GRIP1: variants seen among roughly 807,000 people sequenced by gnomAD.
The protein encoded by GRIP1 is glutamate receptor-interacting protein 1.
A neutral mutation model predicts 129.9 loss-of-function variants in GRIP1; 45 were observed. The observed-to-expected ratio is 0.35, with a 90% CI of 0.27 to 0.44. The LOEUF (loss-of-function observed/expected upper bound fraction) is 0.44, where lower values mean the gene tolerates loss of function less well. GRIP1 is among the 20% of genes least tolerant of loss of function. GRIP1 has a pLI of 1.00. For missense variants in GRIP1, 1,196 were observed against 1,396.8 expected (o/e 0.86, Z 2.29); for synonymous variants, 530 against 520.8 (o/e 1.02, Z -0.24).
chr12:66,828,568 T>A (rs985973899), intron 1 of GRIP1, among the ~76,000 whole-genome samples: 2 of 152,208 alleles, frequency 1.3e-5, no homozygotes, highest in South Asian at 4.1e-4. Context: ...CATTTTTCAA[T>A]AGACATTTTA....
chr12:66,779,890 T>C (rs555567179), intron 1 of GRIP1, among the ~76,000 whole-genome samples: 8 of 152,306 alleles, frequency 5.3e-5, no homozygotes, highest in African/African-American at 1.9e-4. Flanking sequence ...TATTTGCATA[T>C]TAAGAAGTGG....
At chr12:66,584,675 G>A (rs1380814141) in intron 2 of GRIP1, among the ~76,000 whole-genome samples, 1 of 152,162 alleles carries the variant, frequency 6.6e-6, no homozygotes, top group African/African-American at 2.4e-5. Context: ...CATTAGAAGG[G>A]TAAGTTTAAT....
At chr12:66,528,972 A>C (rs764445722) in intron 5 of GRIP1, among the ~76,000 whole-genome samples, 20 of 152,180 alleles carry the variant, frequency 1.3e-4, no homozygotes, top group Non-Finnish European at 2.4e-4. Context: ...CCCATCAAAA[A>C]GTGGGCTAAG....
At chr12:66,962,191 AG>A (rs1331113572) in intron 1 of GRIP1, among the ~76,000 whole-genome samples, 1 of 152,238 alleles carries the variant, frequency 6.6e-6, no homozygotes, top group Non-Finnish European at 1.5e-5. Flanking sequence ...TTTAAAGTTT[AG>A]AAAGAAACCA....
At chr12:66,783,445 C>A in intron 1 of GRIP1, among the ~76,000 whole-genome samples, 1 of 152,192 alleles carries the variant, frequency 6.6e-6, no homozygotes, top group East Asian at 1.9e-4. Flanking sequence ...ATCCATTTGA[C>A]AATGGCTAAC....
intron 5 of GRIP1, 37 bp downstream of exon 5, chr12:66,529,794 A>T: frequency 9.1e-7 from 1 of 1,104,230 alleles, no homozygotes; most frequent in Non-Finnish European, 1.4e-6. Flanking sequence ...CTATGGAAAT[A>T]TTTTTTTTAA....
chr12:66,526,118 G>C (rs2061227899), intron 5 of GRIP1, among the ~76,000 whole-genome samples: 1 of 151,944 alleles, frequency 6.6e-6, no homozygotes, highest in South Asian at 2.1e-4. Context: ...GTAATTTATA[G>C]ATTCAATGCC....
At chr12:66,958,967 T>G (rs1301754172) in intron 1 of GRIP1, among the ~76,000 whole-genome samples, 3 of 152,194 alleles carry the variant, frequency 2.0e-5, no homozygotes, top group Non-Finnish European at 4.4e-5. Flanking sequence ...TTAAAATAAT[T>G]TCCTACGTAA....
chr12:66,598,908 G>T (rs1243012209), intron 1 of GRIP1, among the ~76,000 whole-genome samples: 1 of 152,178 alleles, frequency 6.6e-6, no homozygotes, highest in Non-Finnish European at 1.5e-5. Context: ...GGCAATAAGA[G>T]ATTTTCCCAG....
chr12:66,838,206 G>A (rs990197667), intron 1 of GRIP1, among the ~76,000 whole-genome samples: 5 of 127,546 alleles, frequency 3.9e-5, no homozygotes, highest in Non-Finnish European at 8.6e-5. Context: ...AAAAAAAATC[G>A]AGCAGGAGAA....
intron 1 of GRIP1, among the ~76,000 whole-genome samples, chr12:66,625,102 T>C (rs2029876278): frequency 6.6e-6 from 1 of 151,996 alleles, no homozygotes; most frequent in Non-Finnish European, 1.5e-5. Context: ...AAGAGACATA[T>C]GTTATTATCT....
intron 7 of GRIP1, among the ~76,000 whole-genome samples, chr12:66,505,572 A>T (rs1394055473): frequency 1.3e-5 from 2 of 152,226 alleles, no homozygotes; most frequent in Non-Finnish European, 2.9e-5. Context: ...GCTACAATGT[A>T]ATAGAAAAAT....
chr12:66,716,008 G>A (rs1273973063), intron 1 of GRIP1, among the ~76,000 whole-genome samples: 1 of 151,798 alleles, frequency 6.6e-6, no homozygotes, highest in Admixed American at 6.6e-5. Flanking sequence ...TTCTGCTAAG[G>A]AAGATTTGCT....
At chr12:66,612,081 T>C (rs2064823118) in intron 1 of GRIP1, among the ~76,000 whole-genome samples, 1 of 152,178 alleles carries the variant, frequency 6.6e-6, no homozygotes. Context: ...TTTTCAAACT[T>C]GTGCAAATTA....
At chr12:66,513,598 G>C (rs925953146) in intron 7 of GRIP1, among the ~76,000 whole-genome samples, 1 of 151,996 alleles carries the variant, frequency 6.6e-6, no homozygotes, top group Non-Finnish European at 1.5e-5. Flanking sequence ...CTATTATAAA[G>C]GATACCTTAA....
intron 1 of GRIP1, among the ~76,000 whole-genome samples, chr12:66,796,403 T>TAG (rs2038700446): frequency 6.6e-6 from 1 of 152,098 alleles, no homozygotes; most frequent in African/African-American, 2.4e-5. Flanking sequence ...AGTACTGTAT[T>TAG]AGAATGAATA....
At chr12:67,067,570 A>C (rs1287837271) in intron 1 of GRIP1, among the ~76,000 whole-genome samples, 2 of 152,178 alleles carry the variant, frequency 1.3e-5, no homozygotes, top group Non-Finnish European at 2.9e-5. Context: ...ACGTAAGGTC[A>C]CCTGCCAGAA....
intron 1 of GRIP1, among the ~76,000 whole-genome samples, chr12:66,996,727 C>T (rs2042473136): frequency 1.3e-5 from 2 of 152,154 alleles, no homozygotes; most frequent in Admixed American, 6.6e-5. Context: ...TACCAAAAAC[C>T]ATACCCCATT....
intron 1 of GRIP1, among the ~76,000 whole-genome samples, chr12:66,920,730 T>C (rs2041199844): frequency 6.6e-6 from 1 of 152,204 alleles, no homozygotes; most frequent in Non-Finnish European, 1.5e-5. Context: ...AACTTTATCA[T>C]CTTGGGGGAA....
Sources: allele counts gnomAD v4.1 joint callset (sites outside exome capture counted in the v4.1 genomes callset), GRCh38; gene constraint gnomAD v4.1.1; transcripts MANE v1.5; gene names NCBI Gene and HGNC (gene_info 2026-07-23, HGNC 2026-07-21).